Variants in TRAFD1 observed in about 807,000 individuals in gnomAD.
TRAFD1 encodes the protein TRAF-type zinc finger domain containing 1.
Under a neutral mutation model 65.3 loss-of-function variants are expected in TRAFD1, and 38 were observed. That is an observed-to-expected ratio of 0.58 (90% CI 0.45 to 0.76). TRAFD1 has a LOEUF of 0.76. Among genes scored for constraint, TRAFD1 ranks in the 30% least tolerant of loss-of-function variants. TRAFD1 has a pLI of 0.00. For synonymous variants in TRAFD1, 223 were observed against 257.2 expected, an observed-to-expected ratio of 0.87 and a Z score of 1.27; for missense variants, 631 against 712.6, an observed-to-expected ratio of 0.89 and a Z score of 1.30.
chr12:112,131,214 T>G (rs1253937301), intron 2 of TRAFD1, among the ~76,000 whole-genome samples: 1 of 152,174 alleles, frequency 6.6e-6, no homozygotes, highest in African/African-American at 2.4e-5. Context: ...ACTATTTTAG[T>G]TTTGTTTGGG....
rs750585254 is a variant in TRAFD1, at chr12:112,141,018, T to C, written c.437T>C (p.Val146Ala). ...GAGGGGGAGGAAAAGAGAAATGAGGTTGCCATACCTCCTAATGCATATGAT... is the reference window on the plus strand; with the variant it reads ...GAGGGGGAGGAAAAGAGAAATGAGGCTGCCATACCTCCTAATGCATATGAT... ...GREGEEKRNE[V>A]AIPPNAYDES... Residue 146 changes from valine to alanine, a missense_variant, in exon 5 of 12, where the codon GTT becomes GCT. Coordinates refer to ENST00000412615, the MANE Select transcript of TRAFD1 (RefSeq NM_006700.3). The C allele has an allele frequency of 3.7e-6, 6 of 1,613,982 alleles. No individual in the cohort carries two copies. In the African/African-American group the frequency reaches 5.3e-5, roughly 14 times the overall value.
At chr12:112,136,717 G>A (rs1296688871) in intron 4 of TRAFD1, among the ~76,000 whole-genome samples, 3 of 152,112 alleles carry the variant, frequency 2.0e-5, no homozygotes, top group Non-Finnish European at 2.9e-5. Context: ...ACCTGCATAG[G>A]TGGTACTACA....
At position 112,142,190 on chromosome 12, in the gene TRAFD1, C is replaced by A; in HGVS notation, c.745C>A (p.Gln249Lys). Residue 249 changes from glutamine (Q) to lysine (K), a missense_variant, in exon 6 of 12, where the codon CAA (glutamine) becomes AAA (lysine). By Grantham distance (53) the Gln-to-Lys change is moderately conservative (BLOSUM62 1). Coordinates refer to ENST00000412615, the MANE Select transcript of TRAFD1 (RefSeq NM_006700.3). Reference protein sequence around the residue: ...NLDFMLALSLQNEGQASSVAE... With the variant: ...NLDFMLALSLKNEGQASSVAE... ...GGACTTCATGTTGGCCCTAAGTCTG[C>A]AAAATGAAGGCCAAGCCTCCAGTGT... The A allele has an allele frequency of 6.2e-7, 1 of 1,613,900 alleles. No individual in the cohort carries two copies. The highest frequency in any genetic ancestry group is 8.5e-7 in the Non-Finnish European group (1 of 1,180,000).
At chr12:112,145,348 A>C (rs1270365234) in intron 6 of TRAFD1, among the ~76,000 whole-genome samples, 1 of 152,216 alleles carries the variant, frequency 6.6e-6, no homozygotes, top group Admixed American at 6.5e-5. Flanking sequence ...AACTACTGCT[A>C]TACTGCTACT....
At chr12:112,148,023 T>G in intron 7 of TRAFD1, 51 bp from the exon 8 acceptor site, 1 of 1,489,660 alleles carries the variant, frequency 6.7e-7, no homozygotes, top group South Asian at 1.2e-5. Flanking sequence ...GAATGTAGTT[T>G]TTTTCTTAAC....
Position 112,148,095 on chromosome 12 carries a change from G to A in TRAFD1, c.949G>A (p.Ala317Thr), listed in dbSNP as rs1293805286. 6.2e-7 allele frequency: 1 copy of A among 1,614,136 alleles called. No homozygotes were observed. Among genetic ancestry groups the A allele is most frequent in the Admixed American group, 1.7e-5 (1 of 60,018 alleles). ...DHQTSCNPSR[A>T]LPSLNTGSSS... Reference sequence around the variant, plus strand: ...ACAGACAAGCTGTAACCCTTCACGTGCCTTACCTTCACTCAATACTGGCAG... The same window carrying A: ...ACAGACAAGCTGTAACCCTTCACGTACCTTACCTTCACTCAATACTGGCAG... The change falls in exon 8 of 12, where the codon GCC becomes ACC. Residue 317 changes from alanine (A) to threonine (T), a missense_variant. Transcript: ENST00000412615.
At position 112,137,207 on chromosome 12, in the gene TRAFD1, G is replaced by A. The variant is rs1449786788; in HGVS notation, c.237+2141G>A. 6.6e-6 allele frequency among the ~76,000 whole-genome samples: 1 copy of A among 151,982 alleles called. No homozygotes were observed. Among genetic ancestry groups the A allele is most frequent in the African/African-American group, 2.4e-5 (1 of 41,366 alleles). On this transcript the variant is annotated intron_variant, in intron 4 of 11. Transcript: ENST00000412615. The surrounding 1 kb of genome is among the most constrained non-coding windows in gnomAD (Gnocchi z 4.2). ...CATTGCACTCCAGCCTGGGTGACAG[G>A]GTGAGACTCCATCTAAAACAAACAA...
At chr12:112,128,903 T>C (rs1267930881) in intron 1 of TRAFD1, among the ~76,000 whole-genome samples, 2 of 151,664 alleles carry the variant, frequency 1.3e-5, no homozygotes, top group Non-Finnish European at 1.5e-5. Context: ...TAGCTGGGCA[T>C]GGTGGTGCAC....
At chr12:112,126,931 G>T (rs2079541028) in intron 1 of TRAFD1, among the ~76,000 whole-genome samples, 1 of 152,202 alleles carries the variant, frequency 6.6e-6, no homozygotes, top group South Asian at 2.1e-4. Context: ...TGGGATTACA[G>T]GCGTGAGCTG....
At chr12:112,139,285 G>A (rs2030016019) in intron 4 of TRAFD1, among the ~76,000 whole-genome samples, 1 of 152,060 alleles carries the variant, frequency 6.6e-6, no homozygotes, top group African/African-American at 2.4e-5. Flanking sequence ...AGGAGGTCAA[G>A]GCTGCGGTAA....
intron 1 of TRAFD1, among the ~76,000 whole-genome samples, chr12:112,129,767 C>T (rs1045572975): frequency 1.3e-5 from 2 of 151,656 alleles, no homozygotes; most frequent in South Asian, 2.1e-4. Flanking sequence ...CTCAGCCTCG[C>T]GAGTAGCTGG....
chr12:112,151,766 T>C, intron 9 of TRAFD1, 35 bp from the exon 10 acceptor site: 1 of 1,585,040 alleles, frequency 6.3e-7, no homozygotes, highest in South Asian at 1.1e-5. Context: ...CAGAGCAGGC[T>C]TTTTCCTAAA....
At chr12:112,136,291 T>G (rs1406123446) in intron 4 of TRAFD1, among the ~76,000 whole-genome samples, 1 of 151,428 alleles carries the variant, frequency 6.6e-6, no homozygotes, top group African/African-American at 2.4e-5. Context: ...TTTTTTTTTT[T>G]TTTTTGAGAT....
intron 6 of TRAFD1, among the ~76,000 whole-genome samples, chr12:112,142,882 G>A (rs1195792178): frequency 6.6e-6 from 1 of 151,954 alleles, no homozygotes; most frequent in Non-Finnish European, 1.5e-5. Context: ...GAATATAGAT[G>A]AGGAGTATAT....
chr12:112,147,276 C>T (rs190601993), intron 7 of TRAFD1, among the ~76,000 whole-genome samples: 58 of 152,184 alleles, frequency 3.8e-4, no homozygotes, highest in Non-Finnish European at 7.1e-4. Context: ...AGATTACAGG[C>T]GTGAGCCTCC....
At chr12:112,133,806 G>C (rs956651945) in intron 2 of TRAFD1, among the ~76,000 whole-genome samples, 1 of 150,876 alleles carries the variant, frequency 6.6e-6, no homozygotes, top group African/African-American at 2.4e-5. Context: ...CCGGGTTCAA[G>C]TGATTCTCCT....
At chr12:112,149,702 C>G (rs1228202610) in intron 8 of TRAFD1, 49 bp from the exon 9 acceptor site, 9 of 1,609,978 alleles carry the variant, frequency 5.6e-6, no homozygotes, top group Non-Finnish European at 5.1e-6. Context: ...ATGCTCTTTT[C>G]TGGGAATGAC....
rs569428779 is a variant in TRAFD1 at position 112,148,093 on chromosome 12, G to A, written c.947G>A (p.Arg316His). 79 of 1,614,034 alleles carry A rather than the reference G, an allele frequency of 4.9e-5. No homozygotes were observed. Among genetic ancestry groups the A allele is most frequent in the Middle Eastern group, 1.6e-4 (1 of 6,062 alleles). Reference protein sequence around the residue: ...IDHQTSCNPSRALPSLNTGSS... With the variant: ...IDHQTSCNPSHALPSLNTGSS... ...TGACAGACAAGCTGTAACCCTTCAC[G>A]TGCCTTACCTTCACTCAATACTGGC... is the stretch of plus-strand genomic sequence containing the variant. Residue 316 changes from arginine to histidine, a missense_variant, in exon 8 of 12, where the codon CGT (arginine) becomes CAT (histidine). By Grantham distance (29) the Arg-to-His change is conservative (BLOSUM62 0). Coordinates refer to ENST00000412615, the MANE Select transcript of TRAFD1 (RefSeq NM_006700.3).
In TRAFD1 at chr12:112,142,153, G is replaced by A; in HGVS notation, c.708G>A (p.Glu236=). ...GQQPPKEGGE[E]SANLDFMLAL... is the part of the protein sequence containing the mutation. ...AGCCCCCCAAAGAGGGTGGTGAAGAGAGTGCAAACTTGGACTTCATGTTGG... is the reference window on the plus strand; with the variant it reads ...AGCCCCCCAAAGAGGGTGGTGAAGAAAGTGCAAACTTGGACTTCATGTTGG... The change falls in exon 6 of 12, where the codon GAG becomes GAA. Residue 236 remains glutamate, a synonymous_variant. Coordinates refer to ENST00000412615, the MANE Select transcript of TRAFD1 (RefSeq NM_006700.3). 1 of 1,614,026 alleles carries A rather than the reference G, an allele frequency of 6.2e-7. No homozygotes were observed. Among genetic ancestry groups the A allele is most frequent in the Non-Finnish European group, 8.5e-7 (1 of 1,180,008 alleles).
Sources: gnomAD v4.1 joint callset for allele counts (sites outside exome capture counted in the v4.1 genomes callset) on GRCh38, gnomAD v4.1.1 for gene constraint, Gnocchi (gnomAD v3.1) non-coding constraint, MANE v1.5 for transcripts, NCBI Gene and HGNC (gene_info 2026-07-23, HGNC 2026-07-21) for gene names.